The following BANK1 variants were observed in gnomAD, a reference collection of about 807,000 sequenced individuals.
BANK1 encodes the protein B-cell scaffold protein with ankyrin repeats.
BANK1 carries 95 observed loss-of-function variants against 94.5 expected under a neutral mutation model. The observed-to-expected ratio is 1.00, with a 90% CI of 0.85 to 1.19. The LOEUF is 1.19. Ranked by LOEUF, BANK1 falls within the 50% of genes most tolerant of loss-of-function variation. BANK1 has a pLI of 0.00. For synonymous variants in BANK1, 334 were observed against 308.4 expected, an observed-to-expected ratio of 1.08 and a Z score of -0.87; for missense variants, 987 against 932.2, an observed-to-expected ratio of 1.06 and a Z score of -0.77.
intron 11 of BANK1, among the ~76,000 whole-genome samples, chr4:102,052,239 T>C (rs1728078165): frequency 6.7e-6 from 1 of 148,906 alleles, no homozygotes; most frequent in African/African-American, 2.5e-5. Context: ...TGCCTCAGCC[T>C]CCTGAGTAGC....
At chr4:101,938,779 G>C (rs759715644) in intron 7 of BANK1, among the ~76,000 whole-genome samples, 4 of 151,568 alleles carry the variant, frequency 2.6e-5, no homozygotes, top group African/African-American at 4.8e-5. Context: ...TGCAGACTGT[G>C]AATATATGTT....
chr4:102,053,010 A>G (rs1728102661), intron 11 of BANK1, among the ~76,000 whole-genome samples: 1 of 152,244 alleles, frequency 6.6e-6, no homozygotes, highest in African/African-American at 2.4e-5. Context: ...TAAAGTTTCA[A>G]CAGCAAATTA....
rs191990858 is a variant in BANK1 at position 101,953,559 on chromosome 4, G to T, written c.1206+35370G>T. On this transcript the variant is annotated intron_variant, in intron 7 of 16. Coordinates refer to ENST00000322953, the MANE Select transcript of BANK1 (RefSeq NM_017935.5). Reference sequence around the variant, plus strand: ...TATTTAGTAAAAAAAAAAAAATCAAGTGTTTCAAAGTAGGGTGCACAAAAA... The same window carrying T: ...TATTTAGTAAAAAAAAAAAAATCAATTGTTTCAAAGTAGGGTGCACAAAAA... Among the ~76,000 whole-genome samples, 6 of 151,864 alleles carry T rather than the reference G, an allele frequency of 4.0e-5. No individual in the cohort carries two copies. In the East Asian group the frequency reaches 1.2e-3, roughly 29 times the overall value.
intron 3 of BANK1, among the ~76,000 whole-genome samples, chr4:101,860,422 CT>C (rs11324375): frequency 0.54 from 81,328 of 150,220 alleles, 23,067 homozygotes; most frequent in African/African-American, 0.72. Flanking sequence ...TCCTGACTTT[CT>C]TTTTTTTTTA....
At chr4:101,986,899 G>GTGTGTGTGTGTGTGTGTA (rs1343197093) in intron 7 of BANK1, among the ~76,000 whole-genome samples, 2 of 82,670 alleles carry the variant, frequency 2.4e-5, no homozygotes, top group Non-Finnish European at 4.2e-5. Flanking sequence ...GTGTGTGTGT[G>GTGTGTGTGTGTGTGTGTA]TATATATATA....
chr4:102,025,903 C>G (rs1377471390), intron 9 of BANK1, among the ~76,000 whole-genome samples: 1 of 152,178 alleles, frequency 6.6e-6, no homozygotes, highest in African/African-American at 2.4e-5. Context: ...AAAGGAAATA[C>G]AACATTGCTT....
chr4:101,878,740 T>C (rs1204648840), intron 5 of BANK1, among the ~76,000 whole-genome samples: 2 of 152,138 alleles, frequency 1.3e-5, no homozygotes, highest in East Asian at 1.9e-4. Flanking sequence ...AAATTTGAGA[T>C]AGTATCAAAC....
At chr4:101,946,657 A>G (rs892769986) in intron 7 of BANK1, among the ~76,000 whole-genome samples, 3 of 152,014 alleles carry the variant, frequency 2.0e-5, no homozygotes, top group African/African-American at 7.2e-5. Flanking sequence ...TTGCAGCCTC[A>G]GTCATATTAC....
Position 101,983,874 on chromosome 4 carries a change from G to A in BANK1, c.1207-37640G>A, listed in dbSNP as rs75947087. ...AGTAATCCAAATAACATATTGGATA[G>A]CATTAATGCTTTGGCAAGGGCATAA... is the stretch of plus-strand genomic sequence containing the variant. On this transcript the variant is annotated intron_variant, in intron 7 of 16. Transcript: ENST00000322953. Among the ~76,000 whole-genome samples the A allele has an allele frequency of 4.7e-3, 711 of 152,072 alleles. 13 individuals carry two copies. In the East Asian group the frequency reaches 0.057, roughly 12 times the overall value.
intron 7 of BANK1, among the ~76,000 whole-genome samples, chr4:101,993,502 T>C (rs1410009604): frequency 6.6e-6 from 1 of 152,172 alleles, no homozygotes; most frequent in East Asian, 1.9e-4. Flanking sequence ...ATACAGACTT[T>C]CAGGGCCTGA....
intron 10 of BANK1, among the ~76,000 whole-genome samples, chr4:102,041,374 T>C (rs1007634971): frequency 1.3e-5 from 2 of 152,096 alleles, no homozygotes; most frequent in African/African-American, 4.8e-5. Flanking sequence ...TTTGATGGGC[T>C]AGTGCTTTCT....
intron 7 of BANK1, among the ~76,000 whole-genome samples, chr4:101,978,691 GA>G (rs954188433): frequency 6.7e-6 from 1 of 149,970 alleles, no homozygotes; most frequent in African/African-American, 2.4e-5. Context: ...TCTTTCCATT[GA>G]AAAAAAAAGA....
chr4:101,878,932 CTA>C (rs1728583345), intron 5 of BANK1, among the ~76,000 whole-genome samples: 1 of 151,468 alleles, frequency 6.6e-6, no homozygotes, highest in Non-Finnish European at 1.5e-5. Flanking sequence ...ATACCAAAAT[CTA>C]TGAGATACAG....
At chr4:102,054,895 C>A (rs762127788) in intron 11 of BANK1, among the ~76,000 whole-genome samples, 3 of 151,996 alleles carry the variant, frequency 2.0e-5, no homozygotes, top group Non-Finnish European at 4.4e-5. Context: ...GGAATTTAGT[C>A]TTCTGCTTTT....
intron 2 of BANK1, among the ~76,000 whole-genome samples, chr4:101,852,358 A>G (rs1727510910): frequency 6.7e-6 from 1 of 149,808 alleles, no homozygotes; most frequent in African/African-American, 2.4e-5. Flanking sequence ...AAAAATCAGA[A>G]TATGTATTAC....
chr4:102,069,941 T>C (rs537809777), intron 13 of BANK1, among the ~76,000 whole-genome samples: 1 of 152,118 alleles, frequency 6.6e-6, no homozygotes, highest in Non-Finnish European at 1.5e-5. Context: ...TCTGGAATTC[T>C]AGATAAAACT....
intron 2 of BANK1, among the ~76,000 whole-genome samples, chr4:101,842,247 T>C (rs1455649030): frequency 6.6e-6 from 1 of 152,210 alleles, no homozygotes; most frequent in Admixed American, 6.5e-5. Context: ...TTTCCAAAGT[T>C]CTAAGCCAAA....
intron 2 of BANK1, among the ~76,000 whole-genome samples, chr4:101,836,602 A>C (rs1464258503): frequency 6.6e-6 from 1 of 152,242 alleles, no homozygotes; most frequent in Non-Finnish European, 1.5e-5. Flanking sequence ...ACAGATTTAT[A>C]AATGTTTCTG....
At chr4:102,005,424 A>T (rs1726226791) in intron 7 of BANK1, among the ~76,000 whole-genome samples, 1 of 152,100 alleles carries the variant, frequency 6.6e-6, no homozygotes. Flanking sequence ...TATGGATATG[A>T]ATCATTAATT....
Sources: allele counts gnomAD v4.1 joint callset (sites outside exome capture counted in the v4.1 genomes callset), GRCh38; gene constraint gnomAD v4.1.1; transcripts MANE v1.5; gene names NCBI Gene and HGNC (gene_info 2026-07-23, HGNC 2026-07-21).